The following ADARB2 variants were observed in gnomAD, a reference collection of about 807,000 sequenced individuals.
The protein encoded by ADARB2 is inactive double-stranded RNA-specific editase B2.
A neutral mutation model predicts 62.2 loss-of-function variants in ADARB2; 25 were observed. The observed-to-expected ratio is 0.40, with a 90% CI of 0.29 to 0.56. The LOEUF is 0.56. Among genes scored for constraint, ADARB2 ranks in the 20% least tolerant of loss-of-function variants. The probability of loss-of-function intolerance (pLI) is 0.43; values close to 1 mark genes in which losing one functional copy is unlikely to be tolerated. For missense variants in ADARB2, 1,071 were observed against 1,077.4 expected, an observed-to-expected ratio of 0.99 and a Z score of 0.08; for synonymous variants, 572 against 500.8, an observed-to-expected ratio of 1.14 and a Z score of -1.90.
chr10:1,662,124 T>C (rs1190021365), intron 1 of ADARB2, among the ~76,000 whole-genome samples: 2 of 152,202 alleles, frequency 1.3e-5, no homozygotes, highest in East Asian at 1.9e-4. Flanking sequence ...TTAAGGTTAC[T>C]GACCCTGCAG....
chr10:1,219,661 G>A (rs181412930), intron 6 of ADARB2, among the ~76,000 whole-genome samples: 2 of 152,218 alleles, frequency 1.3e-5, no homozygotes, highest in Middle Eastern at 3.2e-3. Context: ...AATGGTGATG[G>A]TGATGATAAT....
chr10:1,497,291 G>A (rs2131935901), intron 1 of ADARB2, among the ~76,000 whole-genome samples: 1 of 152,162 alleles, frequency 6.6e-6, no homozygotes, highest in Non-Finnish European at 1.5e-5. Flanking sequence ...TATGAACTAG[G>A]GTCTTTTTGA....
At chr10:1,369,443 C>A (rs1243200687) in intron 2 of ADARB2, among the ~76,000 whole-genome samples, 2 of 152,062 alleles carry the variant, frequency 1.3e-5, no homozygotes, top group African/African-American at 4.8e-5. Context: ...GTGGAAGTTA[C>A]CCCCTGGATT....
rs558561920 is a variant in ADARB2, at chr10:1,324,890, C to T, written c.1077+38138G>A. Among the ~76,000 whole-genome samples the T allele has an allele frequency of 2.7e-4, 41 of 152,224 alleles. 1 individual carries two copies. The highest frequency in any genetic ancestry group is 8.7e-4 in the African/African-American group (36 of 41,526). ...ACAATTAAAACTGGGGAAACGTGAGCGAGCCAGGGGATTGTCAATGCCTGT... is the reference window on the plus strand; with the variant it reads ...ACAATTAAAACTGGGGAAACGTGAGTGAGCCAGGGGATTGTCAATGCCTGT... On this transcript the variant is annotated intron_variant, in intron 3 of 9. Coordinates refer to ENST00000381312, the MANE Select transcript of ADARB2 (RefSeq NM_018702.4).
chr10:1,385,457 A>T (rs914903731), intron 1 of ADARB2, among the ~76,000 whole-genome samples: 1 of 127,082 alleles, frequency 7.9e-6, no homozygotes, highest in Non-Finnish European at 1.8e-5. Context: ...ATATAAATAA[A>T]ACAAAAATTC....
chr10:1,697,056 A>G (rs1451351935), intron 1 of ADARB2, among the ~76,000 whole-genome samples: 1 of 152,036 alleles, frequency 6.6e-6, no homozygotes, highest in Non-Finnish European at 1.5e-5. Context: ...GATGTGGCCC[A>G]GGGAAGCCAA....
chr10:1,244,150 G>A (rs1327955893), intron 4 of ADARB2, among the ~76,000 whole-genome samples: 1 of 152,232 alleles, frequency 6.6e-6, no homozygotes, highest in Non-Finnish European at 1.5e-5. Context: ...AGGGAGCTGG[G>A]GTGGGCAGCT....
In ADARB2 at chr10:1,704,500, G is replaced by A. The variant is rs1834862715; in HGVS notation, c.100+32551C>T. Reference sequence around the variant, plus strand: ...CTAATGCCACTGTGACCTGACAGAAGGCAGAGCTCAGACATAATGTGAGTG... The same window carrying A: ...CTAATGCCACTGTGACCTGACAGAAAGCAGAGCTCAGACATAATGTGAGTG... On this transcript the variant is annotated intron_variant, in intron 1 of 9. Coordinates refer to ENST00000381312, the MANE Select transcript of ADARB2 (RefSeq NM_018702.4). The surrounding 1 kb of genome is among the most constrained non-coding windows in gnomAD (Gnocchi z 5.6). 6.6e-6 allele frequency among the ~76,000 whole-genome samples: 1 copy of A among 152,184 alleles called. No homozygotes were observed. Among genetic ancestry groups the A allele is most frequent in the Non-Finnish European group, 1.5e-5 (1 of 68,042 alleles).
chr10:1,618,501 T>A (rs1213204515), intron 1 of ADARB2, among the ~76,000 whole-genome samples: 1 of 151,992 alleles, frequency 6.6e-6, no homozygotes, highest in Admixed American at 6.6e-5. Context: ...ATTTTTACTT[T>A]CAACAAGTCA....
At chr10:1,395,592 GCGCCTCC>G (rs1832605125) in intron 1 of ADARB2, among the ~76,000 whole-genome samples, 9 of 152,220 alleles carry the variant, frequency 5.9e-5, no homozygotes, top group African/African-American at 1.9e-4. Context: ...TGCCTCCTCG[GCGCCTCC>G]AGGTTCCAGT....
intron 1 of ADARB2, among the ~76,000 whole-genome samples, chr10:1,539,039 C>T (rs533914049): frequency 1.3e-5 from 2 of 152,282 alleles, no homozygotes; most frequent in South Asian, 2.1e-4. Context: ...ACAGCATGCA[C>T]GTCGGCCCTG....
At chr10:1,528,049 C>T (rs1832171465) in intron 1 of ADARB2, among the ~76,000 whole-genome samples, 1 of 152,194 alleles carries the variant, frequency 6.6e-6, no homozygotes, top group South Asian at 2.1e-4. Flanking sequence ...ATAACAGCCC[C>T]CACACTTTAT....
intron 1 of ADARB2, among the ~76,000 whole-genome samples, chr10:1,384,063 A>G (rs1832506186): frequency 6.6e-6 from 1 of 152,238 alleles, no homozygotes; most frequent in African/African-American, 2.4e-5. Context: ...TATGAAAAGC[A>G]TTTAAATTTA....
intron 1 of ADARB2, among the ~76,000 whole-genome samples, chr10:1,640,047 G>A (rs566434389): frequency 2.0e-5 from 3 of 152,254 alleles, no homozygotes; most frequent in African/African-American, 4.8e-5. Context: ...CCCACAGCCC[G>A]TAAACACTGG....
chr10:1,672,904 T>C (rs1834410081), intron 1 of ADARB2, among the ~76,000 whole-genome samples: 1 of 152,348 alleles, frequency 6.6e-6, no homozygotes, highest in African/African-American at 2.4e-5. Flanking sequence ...CTCAGGGTAC[T>C]GCACAAATCC....
intron 4 of ADARB2, among the ~76,000 whole-genome samples, chr10:1,263,527 C>T (rs1425699680): frequency 6.6e-6 from 1 of 152,034 alleles, no homozygotes; most frequent in East Asian, 1.9e-4. Flanking sequence ...CTGGTGAAGC[C>T]TTTTGGACAA....
intron 3 of ADARB2, among the ~76,000 whole-genome samples, chr10:1,287,939 G>T (rs185323414): frequency 6.6e-6 from 1 of 152,192 alleles, no homozygotes; most frequent in East Asian, 1.9e-4. Context: ...CATTGTCCTC[G>T]TCAGACTGGA....
intron 1 of ADARB2, among the ~76,000 whole-genome samples, chr10:1,728,840 A>G (rs914318735): frequency 6.6e-6 from 1 of 152,222 alleles, no homozygotes; most frequent in African/African-American, 2.4e-5. Flanking sequence ...AAGCTATTAT[A>G]CTTCTAGAGG....
Position 1,478,902 on chromosome 10 carries a change from C to T in ADARB2, c.101-99742G>A, listed in dbSNP as rs142996805. Among the ~76,000 whole-genome samples, 106 of 152,266 alleles carry T rather than the reference C, an allele frequency of 7.0e-4. No homozygotes were observed. The Middle Eastern group carries it at 0.01, about 15-fold the overall frequency. On this transcript the variant is annotated intron_variant, in intron 1 of 9. Transcript: ENST00000381312. The stretch of plus-strand genomic sequence containing the variant: ...GATGGGAGAGTGCCAAAATGGGAAC[C>T]CTCAGGTGGGAGAGAACCAAGATGG...
Sources: gnomAD v4.1 joint callset for allele counts (sites outside exome capture counted in the v4.1 genomes callset) on GRCh38, gnomAD v4.1.1 for gene constraint, Gnocchi (gnomAD v3.1) non-coding constraint, MANE v1.5 for transcripts, NCBI Gene and HGNC (gene_info 2026-07-23, HGNC 2026-07-21) for gene names.